Variants in TUSC3 observed in about 807,000 individuals in gnomAD.
TUSC3 encodes tumor suppressor candidate 3.
Under a neutral mutation model 44.8 loss-of-function variants are expected in TUSC3, and 45 were observed. The observed-to-expected ratio is 1.00, with a 90% CI of 0.79 to 1.29. TUSC3 has a LOEUF of 1.29. Ranked by LOEUF, TUSC3 falls within the 50% of genes most tolerant of loss-of-function variation. TUSC3 has a pLI of 0.00. For synonymous variants in TUSC3, 212 were observed against 152.9 expected (o/e 1.39, Z -2.85); for missense variants, 519 against 437.9 (o/e 1.19, Z -1.65).
chr8:15,811,312 G>T, the TUSC3 span, among the ~76,000 whole-genome samples: 1 of 152,072 alleles, frequency 6.6e-6, no homozygotes, highest in African/African-American at 2.4e-5. Context: ...ATCGTCAATT[G>T]TCCACATCAA....
chr8:15,716,526 TGTATAA>T (rs1478222791), intron 6 of TUSC3, among the ~76,000 whole-genome samples: 2 of 152,134 alleles, frequency 1.3e-5, no homozygotes, highest in African/African-American at 2.4e-5. Flanking sequence ...TGAGTAAGTG[TGTATAA>T]GTATGTGTAA....
chr8:15,801,110 T>C, the TUSC3 span, among the ~76,000 whole-genome samples: 2 of 152,158 alleles, frequency 1.3e-5, no homozygotes, highest in East Asian at 1.9e-4. Context: ...AATAAAAGAA[T>C]GGCTACTCCA....
chr8:15,805,691 AT>A, the TUSC3 span, among the ~76,000 whole-genome samples: 2 of 152,134 alleles, frequency 1.3e-5, no homozygotes, highest in Admixed American at 1.3e-4. Context: ...ATCATGGTAA[AT>A]TAACTTTCTG....
chr8:15,693,441 CTTTTTTTTTT>C (rs35915071), intron 6 of TUSC3, among the ~76,000 whole-genome samples: 11 of 96,894 alleles, frequency 1.1e-4, no homozygotes, highest in Admixed American at 1.3e-4. Context: ...GTTGGAAGTT[CTTTTTTTTTT>C]TTTTTTTTTT....
rs1812317410 is a variant in TUSC3, at chr8:15,766,079, A to G, written c.*1923A>G. 6.7e-6 allele frequency: 1 copy of G among 149,480 alleles called. No homozygotes were observed. The highest frequency in any genetic ancestry group is 2.4e-5 in the African/African-American group (1 of 41,350). 9.3% of individuals were successfully genotyped at this position (149,480 alleles called of 1,614,324 possible). ...TAGATAAGGAGTACTTTACTATACC[A>G]TATTAGTAAAGGTTTTCTAGCTCTT... On this transcript the variant is annotated 3_prime_UTR_variant, in exon 11 of 11. Transcript: ENST00000503731.
chr8:15,490,726 A>G (rs1165699125), intron 2 of TUSC3, among the ~76,000 whole-genome samples: 1 of 152,244 alleles, frequency 6.6e-6, no homozygotes, highest in Non-Finnish European at 1.5e-5. Context: ...ATCAAAAATA[A>G]TACTTTGTTT....
At chr8:15,466,654 CT>C (rs1288714624) in intron 1 of TUSC3, among the ~76,000 whole-genome samples, 3 of 152,104 alleles carry the variant, frequency 2.0e-5, no homozygotes, top group African/African-American at 4.8e-5. Context: ...CTCAAATAAT[CT>C]TTTGCATTTG....
intron 3 of TUSC3, among the ~76,000 whole-genome samples, chr8:15,655,403 A>G (rs1807111378): frequency 6.6e-6 from 1 of 152,226 alleles, no homozygotes; most frequent in African/African-American, 2.4e-5. Flanking sequence ...CACACTGTGC[A>G]TACGGCCCCT....
the TUSC3 span, among the ~76,000 whole-genome samples, chr8:15,838,581 C>T: frequency 6.6e-6 from 1 of 152,114 alleles, no homozygotes; most frequent in East Asian, 1.9e-4. Flanking sequence ...CAGGAGCTAG[C>T]CAGTTTTCGC....
intron 8 of TUSC3, among the ~76,000 whole-genome samples, chr8:15,745,674 G>A (rs754931278): frequency 1.3e-5 from 2 of 150,966 alleles, no homozygotes; most frequent in Admixed American, 6.7e-5. Flanking sequence ...TTTAAGTTCC[G>A]TGTAGATTCT....
intron 1 of TUSC3, among the ~76,000 whole-genome samples, chr8:15,616,916 T>C (rs964375252): frequency 5.3e-5 from 8 of 152,070 alleles, no homozygotes; most frequent in Admixed American, 2.0e-4. Flanking sequence ...TCTGGGCCAG[T>C]AGCATGAGAC....
intron 6 of TUSC3, among the ~76,000 whole-genome samples, chr8:15,721,547 T>G (rs1810305364): frequency 6.6e-6 from 1 of 152,084 alleles, no homozygotes; most frequent in Admixed American, 6.6e-5. Flanking sequence ...GATTTATGTA[T>G]TTTCTGTATT....
intron 2 of TUSC3, among the ~76,000 whole-genome samples, chr8:15,520,332 G>C (rs1488059676): frequency 6.6e-6 from 1 of 152,140 alleles, no homozygotes; most frequent in Non-Finnish European, 1.5e-5. Context: ...TTTCCTTCCA[G>C]CTGTGCTACT....
At chr8:15,521,978 A>C (rs113717164) in intron 2 of TUSC3, among the ~76,000 whole-genome samples, 1 of 152,230 alleles carries the variant, frequency 6.6e-6, no homozygotes, top group African/African-American at 2.4e-5. Context: ...CTGCTCTTCT[A>C]GGTAACTCAA....
At chr8:15,817,472 T>TTTTAAGGTTTAAGAA in the TUSC3 span, among the ~76,000 whole-genome samples, 1 of 152,182 alleles carries the variant, frequency 6.6e-6, no homozygotes, top group African/African-American at 2.4e-5. Flanking sequence ...GAATTGTAGT[T>TTTTAAGGTTTAAGAA]CCTGTAATCC....
chr8:15,712,820 C>T (rs1809911549), intron 6 of TUSC3, among the ~76,000 whole-genome samples: 1 of 152,026 alleles, frequency 6.6e-6, no homozygotes, highest in Admixed American at 6.6e-5. Flanking sequence ...TTTAGATGAC[C>T]TTATTTCCTA....
the TUSC3 span, among the ~76,000 whole-genome samples, chr8:15,823,939 C>A: frequency 0.011 from 1,672 of 152,252 alleles, 33 homozygotes; most frequent in African/African-American, 0.038. Flanking sequence ...GAATATGATG[C>A]CTTTCCTAAA....
chr8:15,582,182 G>C (rs200491136), intron 1 of TUSC3, among the ~76,000 whole-genome samples: 1 of 152,170 alleles, frequency 6.6e-6, no homozygotes, highest in Non-Finnish European at 1.5e-5. Context: ...CATGGTGCGC[G>C]CACCCACTGG....
chr8:15,667,605 A>G (rs528403318), intron 5 of TUSC3, among the ~76,000 whole-genome samples: 15 of 151,820 alleles, frequency 9.9e-5, no homozygotes, highest in Middle Eastern at 3.4e-3. Flanking sequence ...TAAAATTTTC[A>G]CTTTCACTAG....
Sources: allele counts gnomAD v4.1 joint callset (sites outside exome capture counted in the v4.1 genomes callset), GRCh38; gene constraint gnomAD v4.1.1; transcripts MANE v1.5; gene names NCBI Gene and HGNC (gene_info 2026-07-23, HGNC 2026-07-21).